LAMA2: variants seen among roughly 807,000 people sequenced by gnomAD.
LAMA2 encodes the protein laminin subunit alpha-2.
LAMA2 carries 269 observed loss-of-function variants against 364.8 expected under a neutral mutation model. The observed-to-expected ratio is 0.74, with a 90% CI of 0.67 to 0.82. LAMA2 has a LOEUF of 0.82. Ranked by LOEUF, LAMA2 falls within the 40% of genes least tolerant of loss-of-function variation. The pLI, the probability that LAMA2 is intolerant of heterozygous loss-of-function variation, is 0.00. For synonymous variants in LAMA2, 1,379 were observed against 1,370.6 expected (o/e 1.01, Z -0.14); for missense variants, 3,807 against 3,873.2 (o/e 0.98, Z 0.45).
Position 129,478,720 on chromosome 6 carries a change from C to T in LAMA2, c.7479C>T (p.Ser2493=), listed in dbSNP as rs368989339. The T allele has an allele frequency of 2.9e-5, 47 of 1,613,068 alleles. No individual in the cohort carries two copies. The highest frequency in any genetic ancestry group is 1.2e-4 in the Admixed American group (7 of 59,964). Residue 2493 remains serine (S), a synonymous_variant, in exon 54 of 65, where the codon TCC becomes TCT. Coordinates refer to ENST00000421865, the MANE Select transcript of LAMA2 (RefSeq NM_000426.4). ...ARPEVNLKKY[S]GCLKDIEISR... is the part of the protein sequence containing the mutation. Reference sequence around the variant, plus strand: ...CAGAAGTAAATCTGAAGAAATATTCCGGCTGCCTCAAAGATATTGAAATTT... The same window carrying T: ...CAGAAGTAAATCTGAAGAAATATTCTGGCTGCCTCAAAGATATTGAAATTT...
chr6:128,927,684 T>G (rs1217852467), intron 1 of LAMA2, among the ~76,000 whole-genome samples: 2 of 152,158 alleles, frequency 1.3e-5, no homozygotes, highest in African/African-American at 2.4e-5. Context: ...TGTAAACCAT[T>G]AGATTCCTAC....
At chr6:129,373,658 CAA>C (rs1488054146) in intron 34 of LAMA2, among the ~76,000 whole-genome samples, 2 of 152,056 alleles carry the variant, frequency 1.3e-5, no homozygotes, top group African/African-American at 4.8e-5. Context: ...ACGACACTGT[CAA>C]AAATACTGTA....
chr6:129,467,459 T>G (rs1022686492), intron 51 of LAMA2, among the ~76,000 whole-genome samples: 2 of 151,840 alleles, frequency 1.3e-5, no homozygotes, highest in African/African-American at 4.8e-5. Context: ...TTCACTCTTA[T>G]GCAATATATC....
chr6:129,216,798 T>C (rs1583271185), intron 12 of LAMA2, among the ~76,000 whole-genome samples: 1 of 149,120 alleles, frequency 6.7e-6, no homozygotes, highest in East Asian at 2.0e-4. Flanking sequence ...TTGGAAAGGG[T>C]TGTAATGATC....
intron 6 of LAMA2, among the ~76,000 whole-genome samples, chr6:129,148,413 T>G (rs1040047339): frequency 2.0e-5 from 3 of 152,032 alleles, no homozygotes; most frequent in African/African-American, 7.2e-5. Context: ...TGCAGGGTGC[T>G]TTCTATCAGG....
intron 1 of LAMA2, among the ~76,000 whole-genome samples, chr6:128,940,571 A>G (rs2114540030): frequency 6.6e-6 from 1 of 152,328 alleles, no homozygotes; most frequent in East Asian, 1.9e-4. Context: ...ATTATATCAT[A>G]TTTTTGTGGT....
At chr6:128,971,700 CA>C (rs1782198583) in intron 1 of LAMA2, among the ~76,000 whole-genome samples, 1 of 152,134 alleles carries the variant, frequency 6.6e-6, no homozygotes, top group Non-Finnish European at 1.5e-5. Context: ...AGAAAGTGGA[CA>C]AAGATGTGAT....
chr6:129,021,229 A>G (rs539300516), intron 1 of LAMA2, among the ~76,000 whole-genome samples: 108 of 152,268 alleles, frequency 7.1e-4, no homozygotes, highest in Non-Finnish European at 1.4e-3. Context: ...TATCTTATGA[A>G]CCGGGCAAAA....
chr6:129,042,742 G>C (rs1212104796), intron 1 of LAMA2, among the ~76,000 whole-genome samples: 1 of 151,998 alleles, frequency 6.6e-6, no homozygotes, highest in African/African-American at 2.4e-5. Flanking sequence ...TGTTTAAAAA[G>C]ATCATATAAA....
chr6:129,269,773 G>GA lies in LAMA2; in HGVS notation c.2323-845dup, dbSNP rs567034710. 3.0e-3 allele frequency among the ~76,000 whole-genome samples: 461 copies of GA among 152,098 alleles called. 4 individuals are homozygous for GA. The highest frequency in any genetic ancestry group is 6.8e-3 in the Middle Eastern group (2 of 294). On this transcript the variant is annotated intron_variant, in intron 16 of 64. Transcript: ENST00000421865. ...GAAGTAAAACAAAAATCAAATCGGG[G>GA]AAAAAATCTTTCTTCAAATGGATCC...
At chr6:129,443,460 T>C (rs1227760326) in intron 44 of LAMA2, among the ~76,000 whole-genome samples, 2 of 152,132 alleles carry the variant, frequency 1.3e-5, no homozygotes, top group Non-Finnish European at 2.9e-5. Context: ...GATAGCCACA[T>C]AAAAGTGGAA....
intron 3 of LAMA2, among the ~76,000 whole-genome samples, chr6:129,092,608 T>C (rs964559014): frequency 6.6e-6 from 1 of 152,192 alleles, no homozygotes; most frequent in African/African-American, 2.4e-5. Context: ...TCTTTAGAAG[T>C]GAAGCATTTT....
At chr6:129,091,701 T>A (rs1774841691) in intron 3 of LAMA2, among the ~76,000 whole-genome samples, 3 of 152,232 alleles carry the variant, frequency 2.0e-5, no homozygotes, top group Non-Finnish European at 1.5e-5. Flanking sequence ...AAGCTCCTCC[T>A]GAACTCCCCA....
chr6:129,416,930 A>G (rs1780825224), intron 40 of LAMA2, among the ~76,000 whole-genome samples: 1 of 152,166 alleles, frequency 6.6e-6, no homozygotes, highest in Admixed American at 6.5e-5. Context: ...CAGACATACT[A>G]CAATTGGCTT....
intron 53 of LAMA2, among the ~76,000 whole-genome samples, chr6:129,477,045 TC>T (rs1296437629): frequency 6.6e-6 from 1 of 152,186 alleles, no homozygotes; most frequent in Non-Finnish European, 1.5e-5. Context: ...AGAGAATTAA[TC>T]ATCACCCTAT....
At chr6:129,371,301 G>A (rs957619118) in intron 34 of LAMA2, among the ~76,000 whole-genome samples, 33 of 151,750 alleles carry the variant, frequency 2.2e-4, no homozygotes, top group Admixed American at 3.9e-4. Context: ...TTAAGTGTAT[G>A]GAGGACCATA....
chr6:129,180,650 A>G (rs537003923), intron 10 of LAMA2, among the ~76,000 whole-genome samples: 1 of 152,272 alleles, frequency 6.6e-6, no homozygotes, highest in South Asian at 2.1e-4. Flanking sequence ...TACTGAGCTG[A>G]TATGGACATC....
chr6:129,398,442 C>A (rs1187171494), intron 37 of LAMA2, among the ~76,000 whole-genome samples: 1 of 147,562 alleles, frequency 6.8e-6, no homozygotes, highest in Non-Finnish European at 1.5e-5. Flanking sequence ...CAGGAATGGA[C>A]TTCATTTTCT....
chr6:128,916,794 C>A (rs1404909964), intron 1 of LAMA2, among the ~76,000 whole-genome samples: 1 of 152,204 alleles, frequency 6.6e-6, no homozygotes, highest in Non-Finnish European at 1.5e-5. Context: ...AATTCAGCAT[C>A]TTTTCCATCT....
Sources: allele counts gnomAD v4.1 joint callset (sites outside exome capture counted in the v4.1 genomes callset), GRCh38; gene constraint gnomAD v4.1.1; transcripts MANE v1.5; gene names NCBI Gene and HGNC (gene_info 2026-07-23, HGNC 2026-07-21).